VKORC1L1: variants seen among roughly 807,000 people sequenced by gnomAD.
VKORC1L1 encodes the protein vitamin K epoxide reductase complex subunit 1L1, also known as vitamin K epoxide reductase complex subunit 1-like protein 1.
Under a neutral mutation model 18.9 loss-of-function variants are expected in VKORC1L1, and 2 were observed. The observed-to-expected ratio is 0.11, with a 90% CI of 0.04 to 0.33. The LOEUF (loss-of-function observed/expected upper bound fraction) is 0.33, where lower values mean the gene tolerates loss of function less well. Among genes scored for constraint, VKORC1L1 ranks in the 10% least tolerant of loss-of-function variants. VKORC1L1 has a pLI of 1.00. For synonymous variants in VKORC1L1, 96 were observed against 100.0 expected, an observed-to-expected ratio of 0.96 and a Z score of 0.24; for missense variants, 123 against 224.1, an observed-to-expected ratio of 0.55 and a Z score of 2.88.
chr7:65,879,179 G>A (rs971214263), intron 1 of VKORC1L1, among the ~76,000 whole-genome samples: 6 of 151,984 alleles, frequency 3.9e-5, no homozygotes, highest in Non-Finnish European at 8.8e-5. Flanking sequence ...TCGTTCCATT[G>A]CTCCCATACT....
At chr7:65,914,948 A>G (rs1583845478) in intron 1 of VKORC1L1, among the ~76,000 whole-genome samples, 1 of 152,134 alleles carries the variant, frequency 6.6e-6, no homozygotes, top group South Asian at 2.1e-4. Flanking sequence ...CGAGGCTGCA[A>G]TGAGCCATGA....
At chr7:65,890,844 A>G (rs1355356989) in intron 1 of VKORC1L1, among the ~76,000 whole-genome samples, 1 of 152,202 alleles carries the variant, frequency 6.6e-6, no homozygotes, top group African/African-American at 2.4e-5. Context: ...TGTCATACAC[A>G]ATAAAAACAA....
At chr7:65,928,914 T>G (rs1314763701) in intron 1 of VKORC1L1, among the ~76,000 whole-genome samples, 1 of 152,240 alleles carries the variant, frequency 6.6e-6, no homozygotes, top group Non-Finnish European at 1.5e-5. Flanking sequence ...TATTTTGTTA[T>G]GTTTATTTGC....
At chr7:65,909,928 G>C (rs561676695) in intron 1 of VKORC1L1, among the ~76,000 whole-genome samples, 14 of 152,120 alleles carry the variant, frequency 9.2e-5, no homozygotes, top group Non-Finnish European at 1.9e-4. Flanking sequence ...ATCTTGGCCA[G>C]GCTGGTCTTG....
chr7:65,920,581 G>C (rs988864880), intron 1 of VKORC1L1, among the ~76,000 whole-genome samples: 2 of 152,212 alleles, frequency 1.3e-5, no homozygotes, highest in African/African-American at 4.8e-5. Context: ...AAGCTAACAG[G>C]AGGAGTGGGG....
intron 1 of VKORC1L1, among the ~76,000 whole-genome samples, chr7:65,926,325 T>C (rs1045470479): frequency 6.6e-6 from 1 of 152,024 alleles, no homozygotes; most frequent in Non-Finnish European, 1.5e-5. Context: ...CCAGCTAATT[T>C]TTGTAGTTTT....
In VKORC1L1 at chr7:65,914,789, C is replaced by T. The variant is rs971295711; in HGVS notation, c.195-33882C>T. 6.6e-5 allele frequency among the ~76,000 whole-genome samples: 10 copies of T among 152,086 alleles called. No individual in the cohort carries two copies. The East Asian group carries it at 9.6e-4, about 15-fold the overall frequency. ...TTGAAGCGGGAGGATAGCTTGAGACCGACCAGGAGATTGAGACCAGCCCGG... is the reference window on the plus strand; with the variant it reads ...TTGAAGCGGGAGGATAGCTTGAGACTGACCAGGAGATTGAGACCAGCCCGG... On this transcript the variant is annotated intron_variant, in intron 1 of 2. Transcript: ENST00000360768.
intron 1 of VKORC1L1, among the ~76,000 whole-genome samples, chr7:65,914,489 T>G (rs1334207327): frequency 6.6e-6 from 1 of 152,090 alleles, no homozygotes; most frequent in East Asian, 1.9e-4. Flanking sequence ...AACCTCCCCA[T>G]CTTTCCCTTT....
chr7:65,954,457 C>G lies in VKORC1L1; in HGVS notation c.*157C>G, dbSNP rs1790262457. The G allele has an allele frequency of 1.6e-6, 2 of 1,244,676 alleles. No individual in the cohort carries two copies. Among genetic ancestry groups the G allele is most frequent in the Non-Finnish European group, 2.1e-6 (2 of 945,592 alleles). The allele number at this position is 1,244,676 out of a possible 1,614,324, so 77.1% of individuals were successfully genotyped here. A position where few individuals can be genotyped will look rare whatever the true frequency, so the allele number is the denominator to read the frequency against. ...TAAAAATCCGGTAAATTAGAAGGGG[C>G]CCTCGCTATTTTCTGTGTCAGTCTT... On this transcript the variant is annotated 3_prime_UTR_variant, in exon 3 of 3. Coordinates refer to ENST00000360768, the MANE Select transcript of VKORC1L1 (RefSeq NM_173517.6).
chr7:65,936,017 A>G (rs1789936788), intron 1 of VKORC1L1, among the ~76,000 whole-genome samples: 1 of 150,708 alleles, frequency 6.6e-6, no homozygotes, highest in African/African-American at 2.4e-5. Flanking sequence ...TTCAAATTGG[A>G]TAATTTCTGT....
chr7:65,936,367 C>T (rs1057348679), intron 1 of VKORC1L1, among the ~76,000 whole-genome samples: 2 of 152,092 alleles, frequency 1.3e-5, no homozygotes, highest in Non-Finnish European at 2.9e-5. Context: ...TGGAGTGCAT[C>T]GTCAGTGTAT....
At position 65,955,907 on chromosome 7, in the gene VKORC1L1, TAG is replaced by T. The variant is rs1790287952; in HGVS notation, c.*1610_*1611del. On this transcript the variant is annotated 3_prime_UTR_variant, in exon 3 of 3. Coordinates refer to ENST00000360768, the MANE Select transcript of VKORC1L1 (RefSeq NM_173517.6). ...GCTCTGCTCTGTAAACTCAAATGTGTAGAGTCAGCAACAATTCCGTAGCTTCC... is the reference window on the plus strand; with the variant it reads ...GCTCTGCTCTGTAAACTCAAATGTGTAGTCAGCAACAATTCCGTAGCTTCC... The T allele has an allele frequency of 6.6e-6, 1 of 152,216 alleles. No individual in the cohort carries two copies. Among genetic ancestry groups the T allele is most frequent in the Admixed American group, 6.5e-5 (1 of 15,274 alleles). The allele number at this position is 152,216 out of a possible 1,614,324, so 9.4% of individuals were successfully genotyped here. A position where few individuals can be genotyped will look rare whatever the true frequency, so the allele number is the denominator to read the frequency against.
intron 1 of VKORC1L1, among the ~76,000 whole-genome samples, chr7:65,903,673 G>A (rs1391044959): frequency 6.6e-6 from 1 of 151,672 alleles, no homozygotes; most frequent in East Asian, 1.9e-4. Context: ...TTGGGAGACT[G>A]AGGTTAGAGG....
In VKORC1L1 at chr7:65,948,730, A is replaced by G; in HGVS notation, c.254A>G (p.Gln85Arg). The part of the protein sequence containing the change: ...SIFGKDGVLN[Q>R]PNSVFGLIFY... ...TTTGGAAAGGATGGTGTATTAAACC[A>G]GCCAAACAGTGTCTTTGGACTTATA... is the stretch of plus-strand genomic sequence containing the variant. Residue 85 changes from glutamine (Q) to arginine (R), a missense_variant, in exon 2 of 3, where the codon CAG (glutamine) becomes CGG (arginine). This residue lies in a region of VKORC1L1 where 18 missense variants were observed against 66.7 expected (regional missense o/e 0.27). Coordinates refer to ENST00000360768, the MANE Select transcript of VKORC1L1 (RefSeq NM_173517.6). 1 of 1,351,764 alleles carries G rather than the reference A, an allele frequency of 7.4e-7. No individual in the cohort carries two copies. The highest frequency in any genetic ancestry group is 1.0e-6 in the Non-Finnish European group (1 of 992,788). The allele number at this position is 1,351,764 out of a possible 1,614,324, so 83.7% of individuals were successfully genotyped here. A position where few individuals can be genotyped will look rare whatever the true frequency, so the allele number is the denominator to read the frequency against.
intron 1 of VKORC1L1, among the ~76,000 whole-genome samples, chr7:65,902,579 A>G (rs958562163): frequency 2.6e-5 from 4 of 152,176 alleles, no homozygotes; most frequent in East Asian, 1.9e-4. Flanking sequence ...AGAACAGAAA[A>G]AAAAGATTGT....
intron 1 of VKORC1L1, among the ~76,000 whole-genome samples, chr7:65,891,346 G>C (rs1327423090): frequency 1.3e-5 from 2 of 152,018 alleles, no homozygotes; most frequent in African/African-American, 2.4e-5. Context: ...AACTTTATTA[G>C]AAACAACAGA....
chr7:65,876,524 A>G (rs1306578989), intron 1 of VKORC1L1, among the ~76,000 whole-genome samples: 1 of 151,126 alleles, frequency 6.6e-6, no homozygotes, highest in Non-Finnish European at 1.5e-5. Flanking sequence ...AAAAAAGTTT[A>G]CTTTCGTGTC....
chr7:65,932,124 G>C (rs1025374000), intron 1 of VKORC1L1, among the ~76,000 whole-genome samples: 1 of 151,894 alleles, frequency 6.6e-6, no homozygotes, highest in African/African-American at 2.4e-5. Flanking sequence ...TTGAGGCAGG[G>C]TATCATGCTG....
At chr7:65,906,268 G>A (rs1350976287) in intron 1 of VKORC1L1, among the ~76,000 whole-genome samples, 1 of 151,952 alleles carries the variant, frequency 6.6e-6, no homozygotes, top group Non-Finnish European at 1.5e-5. Context: ...CAACTACTCG[G>A]GAGGCTGAGG....
Sources: gnomAD v4.1 joint callset for allele counts (sites outside exome capture counted in the v4.1 genomes callset) on GRCh38, gnomAD v4.1.1 for gene constraint, gnomAD v4.1.1 regional missense constraint, MANE v1.5 for transcripts, NCBI Gene and HGNC (gene_info 2026-07-23, HGNC 2026-07-21) for gene names.